Variants in DKK2 observed in about 807,000 individuals in gnomAD.
DKK2 encodes the protein dickkopf Wnt signaling pathway inhibitor 2, also known as dickkopf-related protein 2.
DKK2 carries 11 observed loss-of-function variants against 28.1 expected under a neutral mutation model. The ratio of observed to expected loss-of-function variants is 0.39; its 90% CI spans 0.25 to 0.65. The LOEUF (loss-of-function observed/expected upper bound fraction) is 0.65. DKK2 is among the 30% of genes least tolerant of loss of function. DKK2 has a pLI of 0.47. For missense variants in DKK2, 326 were observed against 335.5 expected (o/e 0.97, Z 0.22); for synonymous variants, 135 against 126.5 (o/e 1.07, Z -0.45).
intron 1 of DKK2, among the ~76,000 whole-genome samples, chr4:106,992,812 A>G (rs942045569): frequency 2.6e-5 from 4 of 152,188 alleles, no homozygotes; most frequent in Admixed American, 6.5e-5. Flanking sequence ...CTACTATTAC[A>G]TGGAAAGCAC....
intron 1 of DKK2, among the ~76,000 whole-genome samples, chr4:106,944,422 C>T (rs72666008): frequency 0.013 from 1,912 of 152,166 alleles, 15 homozygotes; most frequent in Middle Eastern, 0.048. Context: ...TCTTTGTACA[C>T]ATCTATACAA....
At chr4:106,960,253 G>A (rs1048693458) in intron 1 of DKK2, among the ~76,000 whole-genome samples, 1 of 151,612 alleles carries the variant, frequency 6.6e-6, no homozygotes, top group East Asian at 1.9e-4. Context: ...AAAAAAGAAC[G>A]AAATAATGTC....
At chr4:106,962,439 A>T (rs1722699288) in intron 1 of DKK2, among the ~76,000 whole-genome samples, 2 of 151,828 alleles carry the variant, frequency 1.3e-5, no homozygotes, top group South Asian at 4.2e-4. Flanking sequence ...AGGTGCCAAG[A>T]ACATACATTA....
Position 106,923,581 on chromosome 4 carries a change from G to T in DKK2, c.*373C>A. ...CGTTGAATAGAAATCTGGCATGTAG[G>T]TTATTTGTATAAGCAATCAGCAATC... On this transcript the variant is annotated 3_prime_UTR_variant, in exon 4 of 4. Transcript: ENST00000285311. The T allele has an allele frequency of 5.6e-6, 1 of 177,974 alleles. No homozygotes were observed. The highest frequency in any genetic ancestry group is 1.2e-5 in the Non-Finnish European group (1 of 83,034). The allele number at this position is 177,974 out of a possible 1,614,324, so 11.0% of individuals were successfully genotyped here. A position where few individuals can be genotyped will look rare whatever the true frequency, so the allele number is the denominator to read the frequency against.
chr4:107,014,026 A>C (rs1275252885), intron 1 of DKK2, among the ~76,000 whole-genome samples: 1 of 151,650 alleles, frequency 6.6e-6, no homozygotes, highest in Non-Finnish European at 1.5e-5. Context: ...TGGAACTCAT[A>C]CACTGTTTGT....
intron 1 of DKK2, among the ~76,000 whole-genome samples, chr4:106,959,610 T>C (rs1271929913): frequency 6.6e-6 from 1 of 152,074 alleles, no homozygotes; most frequent in East Asian, 1.9e-4. Context: ...GTGATTTTAA[T>C]GGAAATTTCA....
At chr4:106,937,607 C>G (rs1243099065) in intron 1 of DKK2, among the ~76,000 whole-genome samples, 3 of 151,916 alleles carry the variant, frequency 2.0e-5, no homozygotes, top group Non-Finnish European at 4.4e-5. Flanking sequence ...CAGCTCTTCA[C>G]CAAGCGGACC....
chr4:107,008,414 A>G (rs1723468393), intron 1 of DKK2, among the ~76,000 whole-genome samples: 1 of 152,088 alleles, frequency 6.6e-6, no homozygotes, highest in African/African-American at 2.4e-5. Flanking sequence ...TGGAACACCT[A>G]GAAGGAAATC....
Position 107,035,562 on chromosome 4 carries a change from C to T in DKK2, c.30G>A (p.Ser10=), listed in dbSNP as rs755025332. MAALMRSKD[S]SCCLLLLAAV... Reference sequence around the variant, plus strand: ...CGGCCAGTAGGAGCAGGCAGCAGGACGAATCCTTGCTCCGCATCAACGCGG... The same window carrying T: ...CGGCCAGTAGGAGCAGGCAGCAGGATGAATCCTTGCTCCGCATCAACGCGG... Residue 10 remains serine, a synonymous_variant, in exon 1 of 4, where the codon TCG becomes TCA. Coordinates refer to ENST00000285311, the MANE Select transcript of DKK2 (RefSeq NM_014421.3). 1.9e-6 allele frequency: 3 copies of T among 1,614,168 alleles called. No homozygotes were observed. Among genetic ancestry groups the T allele is most frequent in the Middle Eastern group, 1.7e-4 (1 of 6,058 alleles).
chr4:106,993,972 C>A (rs1723238132), intron 1 of DKK2, among the ~76,000 whole-genome samples: 2 of 152,046 alleles, frequency 1.3e-5, no homozygotes. Context: ...ACTTCCCCAG[C>A]CAAAATCAAA....
At chr4:106,969,315 T>C (rs1370714846) in intron 1 of DKK2, among the ~76,000 whole-genome samples, 1 of 151,626 alleles carries the variant, frequency 6.6e-6, no homozygotes, top group East Asian at 2.0e-4. Flanking sequence ...TACTCAGGGC[T>C]CATCTCAGAT....
intron 1 of DKK2, among the ~76,000 whole-genome samples, chr4:106,955,181 T>C (rs1722571862): frequency 6.6e-6 from 1 of 152,134 alleles, no homozygotes; most frequent in South Asian, 2.1e-4. Context: ...GGGCTTTTAT[T>C]TTTTCTTTTA....
intron 1 of DKK2, among the ~76,000 whole-genome samples, chr4:106,943,820 A>C (rs1724737291): frequency 6.6e-6 from 1 of 152,134 alleles, no homozygotes; most frequent in Non-Finnish European, 1.5e-5. Flanking sequence ...CCCAATAGCT[A>C]TTCAGAGCAG....
chr4:107,031,117 T>A (rs1443803679), intron 1 of DKK2, among the ~76,000 whole-genome samples: 1 of 152,026 alleles, frequency 6.6e-6, no homozygotes, highest in Non-Finnish European at 1.5e-5. Flanking sequence ...ACTATCAATT[T>A]TCTATAATTC....
At chr4:106,950,502 A>G (rs1177090388) in intron 1 of DKK2, among the ~76,000 whole-genome samples, 2 of 144,874 alleles carry the variant, frequency 1.4e-5, no homozygotes, top group East Asian at 4.1e-4. Flanking sequence ...GCTGAAAACT[A>G]TCTACTGGTT....
At chr4:106,965,743 C>G (rs113696485) in intron 1 of DKK2, among the ~76,000 whole-genome samples, 1 of 117,914 alleles carries the variant, frequency 8.5e-6, no homozygotes, top group Non-Finnish European at 1.7e-5. Context: ...TATCCCTCCC[C>G]CCTCCCCCCA....
chr4:106,975,308 G>A (rs569840018), intron 1 of DKK2, among the ~76,000 whole-genome samples: 1 of 152,234 alleles, frequency 6.6e-6, no homozygotes, highest in South Asian at 2.1e-4. Context: ...AGTAGTTTCA[G>A]AAGGAATTGT....
chr4:106,945,977 A>G (rs904666992), intron 1 of DKK2, among the ~76,000 whole-genome samples: 1 of 152,164 alleles, frequency 6.6e-6, no homozygotes, highest in East Asian at 1.9e-4. Context: ...CATGATTGCT[A>G]GAGCTTCTTT....
intron 1 of DKK2, among the ~76,000 whole-genome samples, chr4:106,968,750 T>C (rs1365200368): frequency 6.6e-6 from 1 of 152,030 alleles, no homozygotes; most frequent in Non-Finnish European, 1.5e-5. Flanking sequence ...TTTGAATGAG[T>C]TGGTAAGATT....
Sources: allele counts gnomAD v4.1 joint callset (sites outside exome capture counted in the v4.1 genomes callset), GRCh38; gene constraint gnomAD v4.1.1; transcripts MANE v1.5; gene names NCBI Gene and HGNC (gene_info 2026-07-23, HGNC 2026-07-21).